ATR: variants seen among roughly 807,000 people sequenced by gnomAD.
ATR encodes ATR checkpoint kinase, also known as serine/threonine-protein kinase ATR.
A neutral mutation model predicts 305.3 loss-of-function variants in ATR; 142 were observed. That is an observed-to-expected ratio of 0.47 (90% CI 0.41 to 0.53). ATR has a LOEUF of 0.53. ATR is among the 20% of genes least tolerant of loss of function. The pLI, the probability that ATR is intolerant of heterozygous loss-of-function variation, is 0.00. For synonymous variants in ATR, 1,050 were observed against 1,068.1 expected (o/e 0.98, Z 0.33); for missense variants, 2,135 against 3,133.1 (o/e 0.68, Z 7.60).
rs1253329532 is a variant in ATR, at chr3:142,476,721, C to T, written c.6222-6538G>A. Among the ~76,000 whole-genome samples the T allele has an allele frequency of 5.3e-5, 8 of 152,260 alleles. No individual in the cohort carries two copies. The East Asian group carries it at 1.2e-3, about 22-fold the overall frequency. On this transcript the variant is annotated intron_variant, in intron 36 of 46. Transcript: ENST00000350721. Reference sequence around the variant, plus strand: ...TTTCACGATATTGATTCTTCCTATCCATGAGCATGGAATGTTCTTCCATTT... The same window carrying T: ...TTTCACGATATTGATTCTTCCTATCTATGAGCATGGAATGTTCTTCCATTT...
chr3:142,558,835 A>G, intron 7 of ATR, 59 bp from the exon 8 acceptor site: 1 of 1,466,932 alleles, frequency 6.8e-7, no homozygotes, highest in East Asian at 2.3e-5. Flanking sequence ...ATCTCTTTTA[A>G]ATAAAAATAA....
At position 142,508,071 on chromosome 3, in the gene ATR, G is replaced by A. The variant is rs745782942; in HGVS notation, c.4891C>T (p.Arg1631Cys). The A allele has an allele frequency of 2.4e-5, 39 of 1,612,562 alleles. No homozygotes were observed. Among genetic ancestry groups the A allele is most frequent in the Non-Finnish European group, 3.1e-5 (36 of 1,179,632 alleles). Residue 1631 changes from arginine (R) to cysteine (C), a missense_variant, in exon 28 of 47, where the codon CGT becomes TGT. Physicochemically the swap from Arg to Cys is radical, Grantham distance 180 (BLOSUM62 -3). Coordinates refer to ENST00000350721, the MANE Select transcript of ATR (RefSeq NM_001184.4). ...VDYEDYQSVT[R>C]FLDLIPQDTL... is the part of the protein sequence containing the mutation. ...TCCTGGGGTATGAGGTCTAGAAAAC[G>A]GGTTACACTCTGATAGTCTTCATAA... is the stretch of plus-strand genomic sequence containing the variant.
chr3:142,513,258 A>C (rs539653821), intron 26 of ATR, among the ~76,000 whole-genome samples: 1 of 152,356 alleles, frequency 6.6e-6, no homozygotes, highest in South Asian at 2.1e-4. Context: ...GGTTAAAAAG[A>C]AAATGACTAA....
intron 27 of ATR, among the ~76,000 whole-genome samples, chr3:142,508,643 G>T (rs1423464881): frequency 6.6e-6 from 1 of 152,132 alleles, no homozygotes; most frequent in African/African-American, 2.4e-5. Context: ...GAAAGTAATG[G>T]CTGGGCATGA....
intron 36 of ATR, among the ~76,000 whole-genome samples, chr3:142,478,051 C>G (rs1003364892): frequency 1.3e-5 from 2 of 152,176 alleles, no homozygotes; most frequent in African/African-American, 2.4e-5. Context: ...CTCCTGGATT[C>G]ATTGATTTTG....
chr3:142,493,326 G>GC lies in ATR; in HGVS notation c.5899-16dup. 1 of 1,601,188 alleles carries GC rather than the reference G, an allele frequency of 6.2e-7. No homozygotes were observed. The highest frequency in any genetic ancestry group is 1.1e-5 in the South Asian group (1 of 89,224). On this transcript the variant is annotated splice_polypyrimidine_tract_variant and intron_variant, in intron 34 of 46. Coordinates refer to ENST00000350721, the MANE Select transcript of ATR (RefSeq NM_001184.4). ...TGAACATCACCCTAAAAGAAAAAAG[G>GC]CAACAATAAGCCTTTTAATTTAAAA...
intron 1 of ATR, among the ~76,000 whole-genome samples, chr3:142,569,403 C>T (rs533009209): frequency 1.3e-5 from 2 of 152,256 alleles, no homozygotes; most frequent in South Asian, 4.1e-4. Flanking sequence ...TCACTGCAGC[C>T]TCAACCTCCC....
chr3:142,465,148 A>G lies in ATR; in HGVS notation c.6990T>C (p.Asp2330=), dbSNP rs1217251208. The change falls in exon 41 of 47, where the codon GAT becomes GAC. Residue 2330 remains aspartate, a synonymous_variant. Transcript: ENST00000350721. ...KFYIMMCKPK[D]DLRKDCRLME... Reference sequence around the variant, plus strand: ...TTAGTCTACAATCCTTTCTCAGGTCATCTTTTGGCTTACACATCATGATGT... The same window carrying G: ...TTAGTCTACAATCCTTTCTCAGGTCGTCTTTTGGCTTACACATCATGATGT... The G allele has an allele frequency of 1.9e-6, 3 of 1,604,746 alleles. No homozygotes were observed. Among genetic ancestry groups the G allele is most frequent in the African/African-American group, 1.3e-5 (1 of 74,750 alleles).
chr3:142,578,227 C>A (rs1344066486), intron 1 of ATR, among the ~76,000 whole-genome samples: 1 of 152,198 alleles, frequency 6.6e-6, no homozygotes, highest in Non-Finnish European at 1.5e-5. Flanking sequence ...GGCTAAAAAC[C>A]AATTCCTCCA....
chr3:142,557,600 A>T (rs2108474855), intron 8 of ATR, among the ~76,000 whole-genome samples: 1 of 152,314 alleles, frequency 6.6e-6, no homozygotes, highest in Non-Finnish European at 1.5e-5. Context: ...TCAGAACAGT[A>T]GTAATCTCTG....
intron 35 of ATR, among the ~76,000 whole-genome samples, chr3:142,487,051 G>T (rs978399170): frequency 4.0e-5 from 6 of 151,598 alleles, no homozygotes; most frequent in Admixed American, 1.3e-4. Flanking sequence ...AGACTGGCCT[G>T]AACCTGGGAG....
chr3:142,511,298 T>G (rs2032548572), intron 27 of ATR, among the ~76,000 whole-genome samples: 1 of 152,144 alleles, frequency 6.6e-6, no homozygotes, highest in Non-Finnish European at 1.5e-5. Flanking sequence ...TATTTCACAT[T>G]TTATAATTTA....
At position 142,562,784 on chromosome 3, in the gene ATR, T is replaced by G; in HGVS notation, c.618A>C (p.Glu206Asp). Residue 206 changes from glutamate to aspartate, a missense_variant, in exon 4 of 47, where the codon GAA (glutamate) becomes GAC (aspartate). By Grantham distance (45) the Glu-to-Asp change is conservative. This residue lies in a region of ATR where 744 missense variants were observed against 873.2 expected (regional missense o/e 0.85). Coordinates refer to ENST00000350721, the MANE Select transcript of ATR (RefSeq NM_001184.4). ...LMSMQNLEFI[E>D]VTLLMVLTRI... ...GAGTAAGAACCATTAATAAAGTGAC[T>G]TCAATAAATTCTAAATTTTGCATAC... is the stretch of plus-strand genomic sequence containing the variant. 6.2e-7 allele frequency: 1 copy of G among 1,607,436 alleles called. No homozygotes were observed. The highest frequency in any genetic ancestry group is 8.5e-7 in the Non-Finnish European group (1 of 1,177,458).
At chr3:142,480,881 A>G (rs971854076) in intron 36 of ATR, among the ~76,000 whole-genome samples, 1 of 152,220 alleles carries the variant, frequency 6.6e-6, no homozygotes, top group Non-Finnish European at 1.5e-5. Context: ...TGGGACCTTC[A>G]GAGCCATGCA....
At chr3:142,516,351 C>T (rs1235472142) in intron 24 of ATR, among the ~76,000 whole-genome samples, 1 of 152,148 alleles carries the variant, frequency 6.6e-6, no homozygotes, top group Non-Finnish European at 1.5e-5. Context: ...TTTGTCTTTA[C>T]TGAAATGATA....
chr3:142,464,695 C>T (rs1470972422), intron 41 of ATR, among the ~76,000 whole-genome samples: 1 of 152,096 alleles, frequency 6.6e-6, no homozygotes, highest in Non-Finnish European at 1.5e-5. Context: ...TAAATGGTGG[C>T]TGCTGGAGGC....
intron 36 of ATR, among the ~76,000 whole-genome samples, chr3:142,484,546 C>T (rs2030783449): frequency 6.6e-6 from 1 of 152,156 alleles, no homozygotes; most frequent in Non-Finnish European, 1.5e-5. Context: ...TATTTGCATC[C>T]TTTAAAATAT....
chr3:142,567,325 A>G (rs1219135066), intron 2 of ATR, among the ~76,000 whole-genome samples: 2 of 152,202 alleles, frequency 1.3e-5, no homozygotes, highest in Non-Finnish European at 2.9e-5. Flanking sequence ...AGAGAGGGGA[A>G]GGGCAAGTAG....
chr3:142,536,228 T>C, intron 19 of ATR, 27 bp from the exon 20 acceptor site: 1 of 1,461,306 alleles, frequency 6.8e-7, no homozygotes, highest in Non-Finnish European at 9.6e-7. Flanking sequence ...ATAAAAAGAA[T>C]TATTTGCCAA....
Sources: allele counts gnomAD v4.1 joint callset (sites outside exome capture counted in the v4.1 genomes callset), GRCh38; gene constraint gnomAD v4.1.1; regional missense constraint gnomAD v4.1.1; transcripts MANE v1.5; gene names NCBI Gene and HGNC (gene_info 2026-07-23, HGNC 2026-07-21).